Variants in LZTFL1 observed in about 807,000 individuals in gnomAD.
The protein encoded by LZTFL1 is leucine zipper transcription factor-like protein 1.
LZTFL1 carries 25 observed loss-of-function variants against 45.9 expected under a neutral mutation model. The observed-to-expected ratio is 0.54, with a 90% CI of 0.40 to 0.76. The LOEUF (loss-of-function observed/expected upper bound fraction) is 0.76, where lower values mean the gene tolerates loss of function less well. Ranked by LOEUF, LZTFL1 falls within the 30% of genes least tolerant of loss-of-function variation. LZTFL1 has a pLI of 0.00. For missense variants in LZTFL1, 277 were observed against 331.1 expected (o/e 0.84, Z 1.27); for synonymous variants, 93 against 117.4 (o/e 0.79, Z 1.35).
chr3:45,835,880 G>C, intron 2 of LZTFL1, 96 bp from the exon 3 acceptor site: 1 of 744,812 alleles, frequency 1.3e-6, no homozygotes, highest in South Asian at 2.3e-5. Context: ...TGTAATCTAA[G>C]AAATTCAAAG....
At chr3:45,877,845 A>G (rs1414580386) in intron 2 of LZTFL1, among the ~76,000 whole-genome samples, 1 of 151,150 alleles carries the variant, frequency 6.6e-6, no homozygotes, top group African/African-American at 2.4e-5. Context: ...TCCCAGGTTC[A>G]AGCAATTCTC....
Position 45,901,152 on chromosome 3 carries a change from G to A in LZTFL1, c.-215+11968C>T. 6.2e-7 allele frequency: 1 copy of A among 1,614,166 alleles called. No homozygotes were observed. The highest frequency in any genetic ancestry group is 8.5e-7 in the Non-Finnish European group (1 of 1,180,028). ...GTTCCAGACCTTCATGTGCAAGGTGGTCAACAGCATGTACAAGATGAACTT... is the reference window on the plus strand; with the variant it reads ...GTTCCAGACCTTCATGTGCAAGGTGATCAACAGCATGTACAAGATGAACTT... On this transcript the variant is annotated intron_variant, in intron 2 of 4. Coordinates refer to the LZTFL1 transcript ENST00000472635. The surrounding 1 kb of genome is among the most constrained non-coding windows in gnomAD (Gnocchi z 4.3).
intron 2 of LZTFL1, among the ~76,000 whole-genome samples, chr3:45,899,716 G>A (rs1702483691): frequency 6.6e-6 from 1 of 152,096 alleles, no homozygotes; most frequent in South Asian, 2.1e-4. Context: ...TGTGGGCAGA[G>A]GTTTTGGAAG....
upstream of LZTFL1, chr3:45,915,706 C>A (rs1702886148): frequency 3.1e-6 from 1 of 321,454 alleles, no homozygotes; most frequent in Non-Finnish European, 6.3e-6. Context: ...AACCTCAGTG[C>A]CAGCATGGTG....
intron 2 of LZTFL1, among the ~76,000 whole-genome samples, chr3:45,869,965 A>T (rs1701644479): frequency 6.6e-6 from 1 of 152,252 alleles, no homozygotes; most frequent in African/African-American, 2.4e-5. Context: ...TTCCCATGAC[A>T]TCTGCTTTTG....
chr3:45,843,087 G>C (rs1249818462), upstream of LZTFL1, among the ~76,000 whole-genome samples: 1 of 152,216 alleles, frequency 6.6e-6, no homozygotes, highest in Admixed American at 6.5e-5. Context: ...AGGCAGTGGC[G>C]TGGGTATGCC....
chr3:45,906,939 G>A (rs551108739), intron 2 of LZTFL1, among the ~76,000 whole-genome samples: 6 of 152,224 alleles, frequency 3.9e-5, no homozygotes, highest in Admixed American at 3.3e-4. Flanking sequence ...AATTTCCTGG[G>A]CCTGGTACAA....
In LZTFL1 at chr3:45,835,737, T is replaced by C. The variant is rs995203098; in HGVS notation, c.176A>G (p.Asn59Ser). ...ACTATGAACCACAGCTTGTAATCCA[T>C]TGAGGACTTCAGAGACTTCATCTAT... ...FTIDEVSEVLNGLQAVVHSEV... is the reference protein window; with the variant it reads ...FTIDEVSEVLSGLQAVVHSEV... The change falls in exon 3 of 10, where the codon AAT (asparagine) becomes AGT (serine). Residue 59 changes from asparagine (N) to serine (S), a missense_variant. By Grantham distance (46) the Asn-to-Ser change is conservative. Transcript: ENST00000296135. The C allele has an allele frequency of 8.7e-6, 14 of 1,614,120 alleles. No homozygotes were observed. Among genetic ancestry groups the C allele is most frequent in the Admixed American group, 1.7e-5 (1 of 60,032 alleles).
chr3:45,839,011 T>A (rs563947095), intron 1 of LZTFL1, among the ~76,000 whole-genome samples: 2 of 152,246 alleles, frequency 1.3e-5, no homozygotes, highest in Non-Finnish European at 2.9e-5. Flanking sequence ...TAGTCACACA[T>A]TAGTATGGGC....
intron 2 of LZTFL1, chr3:45,883,917 A>T (rs1701912902): frequency 2.2e-6 from 1 of 462,074 alleles, no homozygotes; most frequent in South Asian, 3.0e-5. Context: ...TCACTAGTCC[A>T]GTGGACAGAT....
chr3:45,915,323 G>A lies in LZTFL1; in HGVS notation c.-273+98C>T, dbSNP rs150467985. ...TTTTCTCATCACTGCTTTGCTCTCC[G>A]ATCTTTTATCCCCGCACCGCCCACC... On this transcript the variant is annotated intron_variant, in intron 1 of 4. Transcript: ENST00000472635. 4.6e-5 allele frequency: 15 copies of A among 327,988 alleles called. No individual in the cohort carries two copies. In the East Asian group the frequency reaches 1.0e-3, roughly 22 times the overall value. 20.3% of individuals were successfully genotyped at this position (327,988 alleles called of 1,614,324 possible). A position where few individuals can be genotyped will look rare whatever the true frequency, so the allele number is the denominator to read the frequency against.
Position 45,865,041 on chromosome 3 carries a change from C to T in LZTFL1, c.-214-6025G>A, listed in dbSNP as rs115943963. 2.4e-3 allele frequency among the ~76,000 whole-genome samples: 369 copies of T among 152,302 alleles called. 3 individuals are homozygous for T. Among genetic ancestry groups the T allele is most frequent in the African/African-American group, 8.6e-3 (357 of 41,562 alleles). On this transcript the variant is annotated intron_variant, in intron 2 of 4. Coordinates refer to the LZTFL1 transcript ENST00000472635. ...GCATAAACCGAATGTGATGGCAGAG[C>T]TGTCACACCTTGTGGCCATCGATTA...
chr3:45,901,813 A>G lies in LZTFL1; in HGVS notation c.-215+11307T>C, dbSNP rs746045378. On this transcript the variant is annotated intron_variant, in intron 2 of 4. Coordinates refer to the LZTFL1 transcript ENST00000472635. This position sits in a 1 kb window ranked among gnomAD's most constrained non-coding sequence, Gnocchi z 4.3. ...AACTTGGGTTGCATCAGCCAGGCCC[A>G]GTGGGTTTCATTTACAAGGAGAGAG... The G allele has an allele frequency of 1.7e-5, 28 of 1,613,942 alleles. No individual in the cohort carries two copies. The highest frequency in any genetic ancestry group is 2.1e-5 in the Non-Finnish European group (25 of 1,179,924).
chr3:45,895,956 G>A (rs1003297147), intron 2 of LZTFL1, among the ~76,000 whole-genome samples: 1 of 152,186 alleles, frequency 6.6e-6, no homozygotes, highest in African/African-American at 2.4e-5. Context: ...CTGCCTCACA[G>A]TACATTGTGG....
Position 45,826,111 on chromosome 3 carries a change from G to A in LZTFL1, c.*203C>T, listed in dbSNP as rs1173645547. On this transcript the variant is annotated 3_prime_UTR_variant, in exon 10 of 10. Transcript: ENST00000296135. ...AGACTCTGGAGCACTCAGTAGAGAG[G>A]TGTGTGGGATGACCAGACAGAATCA... is the stretch of plus-strand genomic sequence containing the variant. 4.1e-5 allele frequency: 24 copies of A among 580,752 alleles called. No individual in the cohort carries two copies. The highest frequency in any genetic ancestry group is 7.0e-5 in the Non-Finnish European group (23 of 326,758). The allele number at this position is 580,752 out of a possible 1,614,324, so 36.0% of individuals were successfully genotyped here.
At chr3:45,853,182 T>C (rs1701333037) in intron 4 of LZTFL1, among the ~76,000 whole-genome samples, 1 of 152,260 alleles carries the variant, frequency 6.6e-6, no homozygotes, top group Non-Finnish European at 1.5e-5. Flanking sequence ...TGCTTGGTTT[T>C]GGTAAAGTCC....
upstream of LZTFL1, among the ~76,000 whole-genome samples, chr3:45,842,533 A>G (rs982979215): frequency 1.3e-5 from 2 of 152,196 alleles, no homozygotes; most frequent in African/African-American, 2.4e-5. Context: ...AGACAGGCCA[A>G]CAACACCAAT....
chr3:45,903,856 A>G (rs1392311955), intron 2 of LZTFL1, among the ~76,000 whole-genome samples: 1 of 152,240 alleles, frequency 6.6e-6, no homozygotes, highest in Non-Finnish European at 1.5e-5. Context: ...GAACACAGCC[A>G]TCCATTGACC....
chr3:45,881,544 C>T (rs17078398), intron 2 of LZTFL1, among the ~76,000 whole-genome samples: 12,512 of 152,180 alleles, frequency 0.082, 633 homozygotes, highest in East Asian at 0.25. Context: ...TAGCTGACAC[C>T]GCGACCTTCA....
Sources: gnomAD v4.1 joint callset for allele counts (sites outside exome capture counted in the v4.1 genomes callset) on GRCh38, gnomAD v4.1.1 for gene constraint, Gnocchi (gnomAD v3.1) non-coding constraint, MANE v1.5 for transcripts, NCBI Gene and HGNC (gene_info 2026-07-23, HGNC 2026-07-21) for gene names.